Variants in ZC3H13 observed in about 807,000 individuals in gnomAD.
The protein encoded by ZC3H13 is zinc finger CCCH-type containing 13, also known as zinc finger CCCH domain-containing protein 13.
Under a neutral mutation model 204.1 loss-of-function variants are expected in ZC3H13, and 64 were observed. That is an observed-to-expected ratio of 0.31 (90% CI 0.26 to 0.39). The LOEUF is 0.39. Ranked by LOEUF, ZC3H13 falls within the 10% of genes least tolerant of loss-of-function variation. The pLI is 1.00. For synonymous variants in ZC3H13, 667 were observed against 693.7 expected (o/e 0.96, Z 0.60); for missense variants, 1,833 against 2,082.7 (o/e 0.88, Z 2.33).
intron 18 of ZC3H13, among the ~76,000 whole-genome samples, chr13:45,958,512 C>T (rs1230141565): frequency 6.6e-6 from 1 of 152,144 alleles, no homozygotes; most frequent in African/African-American, 2.4e-5. Flanking sequence ...GCATCCCTAT[C>T]TAAGAATCCA....
At chr13:46,025,825 T>C (rs1454150555) in intron 4 of ZC3H13, among the ~76,000 whole-genome samples, 1 of 152,044 alleles carries the variant, frequency 6.6e-6, no homozygotes, top group East Asian at 1.9e-4. Context: ...TTATTAATTT[T>C]AAAAAGATTA....
intron 7 of ZC3H13, among the ~76,000 whole-genome samples, chr13:46,005,967 C>T (rs374703238): frequency 8.6e-5 from 13 of 151,652 alleles, no homozygotes; most frequent in African/African-American, 2.7e-4. Flanking sequence ...TGGTGGCGCA[C>T]GCCTGTAATC....
At chr13:46,000,546 G>C (rs2040671247) in intron 8 of ZC3H13, among the ~76,000 whole-genome samples, 1 of 152,198 alleles carries the variant, frequency 6.6e-6, no homozygotes. Context: ...AGAGAGTTAG[G>C]ACCTTGCTCC....
At chr13:46,031,420 A>G (rs1203743696) in intron 4 of ZC3H13, among the ~76,000 whole-genome samples, 2 of 152,090 alleles carry the variant, frequency 1.3e-5, no homozygotes, top group East Asian at 1.9e-4. Flanking sequence ...ACTATAATCC[A>G]TGAAAGAAAT....
Position 46,045,578 on chromosome 13 carries a change from A to G in ZC3H13, c.-9-62T>C. On this transcript the variant is annotated intron_variant, in intron 1 of 18. Coordinates refer to ENST00000679008, the MANE Select transcript of ZC3H13 (RefSeq NM_001330564.2). ...TCCTCAGTTTTAAATAACTGAGCCC[A>G]CAGCTTACAAGTAGATAAAACTATA... The G allele has an allele frequency of 1.8e-6, 2 of 1,127,362 alleles. 1 individual carries two copies. 69.8% of individuals were successfully genotyped at this position (1,127,362 alleles called of 1,614,324 possible).
At chr13:46,007,914 A>C (rs2041266249) in intron 7 of ZC3H13, among the ~76,000 whole-genome samples, 1 of 152,230 alleles carries the variant, frequency 6.6e-6, no homozygotes, top group African/African-American at 2.4e-5. Flanking sequence ...AATAAAAACT[A>C]AGATTAAAAG....
intron 10 of ZC3H13, among the ~76,000 whole-genome samples, chr13:45,983,583 C>G (rs942907038): frequency 6.7e-6 from 1 of 148,996 alleles, no homozygotes; most frequent in Non-Finnish European, 1.5e-5. Context: ...CCCACCACCA[C>G]GCCCGGCTAA....
chr13:45,988,252 A>T (rs1246148964), intron 9 of ZC3H13, among the ~76,000 whole-genome samples: 1 of 152,006 alleles, frequency 6.6e-6, no homozygotes, highest in African/African-American at 2.4e-5. Context: ...ATCTTTTATT[A>T]TTATTATTAT....
At chr13:46,041,649 A>G (rs1233222551) in intron 4 of ZC3H13, among the ~76,000 whole-genome samples, 1 of 152,154 alleles carries the variant, frequency 6.6e-6, no homozygotes, top group African/African-American at 2.4e-5. Flanking sequence ...CTTTTATTCA[A>G]TGAACTACAT....
chr13:45,985,585 C>A lies in ZC3H13; in HGVS notation c.1432G>T (p.Asp478Tyr), dbSNP rs1302240034. ...CTATAATCTCTCATCTCCCTTGAGTCCCGCATGTCTCTGGAGTCTCTTAGT... is the reference window on the plus strand; with the variant it reads ...CTATAATCTCTCATCTCCCTTGAGTACCGCATGTCTCTGGAGTCTCTTAGT... Reference protein sequence around the residue: ...RELRDSRDMRDSREMRDYSRD... With the variant: ...RELRDSRDMRYSREMRDYSRD... Residue 478 changes from aspartate to tyrosine, a missense_variant, in exon 10 of 19, where the codon GAC becomes TAC. Coordinates refer to ENST00000679008, the MANE Select transcript of ZC3H13 (RefSeq NM_001330564.2). The A allele has an allele frequency of 1.5e-5, 24 of 1,613,902 alleles. No homozygotes were observed. Among genetic ancestry groups the A allele is most frequent in the Non-Finnish European group, 1.9e-5 (22 of 1,180,018 alleles).
At chr13:45,964,740 T>C (rs1038877670) in intron 16 of ZC3H13, among the ~76,000 whole-genome samples, 1 of 152,200 alleles carries the variant, frequency 6.6e-6, no homozygotes, top group Non-Finnish European at 1.5e-5. Context: ...ATTGGAATGA[T>C]TCAAGAGGAA....
chr13:46,002,121 A>G (rs1014753826), intron 8 of ZC3H13, among the ~76,000 whole-genome samples: 8 of 152,240 alleles, frequency 5.3e-5, no homozygotes, highest in African/African-American at 1.9e-4. Flanking sequence ...TCCAAAGATG[A>G]TATACAAATG....
At chr13:46,016,809 G>A (rs1032585964) in intron 5 of ZC3H13, among the ~76,000 whole-genome samples, 5 of 152,114 alleles carry the variant, frequency 3.3e-5, no homozygotes, top group Non-Finnish European at 5.9e-5. Flanking sequence ...AAGACTATAA[G>A]CAAGGGATGG....
At chr13:46,007,330 T>C (rs1019550654) in intron 7 of ZC3H13, among the ~76,000 whole-genome samples, 2 of 152,180 alleles carry the variant, frequency 1.3e-5, no homozygotes, top group African/African-American at 2.4e-5. Flanking sequence ...TTGTAAACTA[T>C]AGAGCTAAAT....
chr13:45,997,882 AACACACACATAC>A (rs929390062), intron 8 of ZC3H13, among the ~76,000 whole-genome samples: 6 of 152,180 alleles, frequency 3.9e-5, no homozygotes, highest in African/African-American at 1.4e-4. Flanking sequence ...CTATTTTACA[AACACACACATAC>A]ACACACACAC....
At chr13:45,973,461 T>C (rs1332698959) in intron 12 of ZC3H13, among the ~76,000 whole-genome samples, 2 of 152,248 alleles carry the variant, frequency 1.3e-5, no homozygotes, top group African/African-American at 4.8e-5. Flanking sequence ...TTTGCTATTA[T>C]AAGCAGATAT....
chr13:46,051,177 AT>A (rs908476648), intron 1 of ZC3H13, among the ~76,000 whole-genome samples: 3 of 152,206 alleles, frequency 2.0e-5, no homozygotes, highest in African/African-American at 7.2e-5. Context: ...CACTTGCTGG[AT>A]TTTTAGTATG....
At position 45,968,048 on chromosome 13, in the gene ZC3H13, T is replaced by G. The variant is rs1353320343; in HGVS notation, c.3797-20A>C. On this transcript the variant is annotated intron_variant, in intron 14 of 18. Transcript: ENST00000679008. ...GGCGATCTAAAATAAATATACCATA[T>G]ATAAAGAGTTATTAGCACATGATAA... is the stretch of plus-strand genomic sequence containing the variant. 1 of 1,540,894 alleles carries G rather than the reference T, an allele frequency of 6.5e-7. No homozygotes were observed. Among genetic ancestry groups the G allele is most frequent in the South Asian group, 1.3e-5 (1 of 76,374 alleles).
intron 15 of ZC3H13, among the ~76,000 whole-genome samples, chr13:45,966,013 G>A (rs1952053173): frequency 1.3e-5 from 2 of 152,046 alleles, no homozygotes; most frequent in African/African-American, 4.8e-5. Flanking sequence ...TTGCATTGAT[G>A]AACACAATTT....
Sources: gnomAD v4.1 joint callset for allele counts (sites outside exome capture counted in the v4.1 genomes callset) on GRCh38, gnomAD v4.1.1 for gene constraint, MANE v1.5 for transcripts, NCBI Gene and HGNC (gene_info 2026-07-23, HGNC 2026-07-21) for gene names.